The following IL6ST variants were observed in gnomAD, a reference collection of about 807,000 sequenced individuals.
IL6ST encodes interleukin 6 cytokine family signal transducer.
In IL6ST, 24 loss-of-function variants were observed where a neutral mutation model predicts 91.3. The ratio of observed to expected loss-of-function variants is 0.26; its 90% CI spans 0.19 to 0.37. The LOEUF is 0.37. Ranked by LOEUF, IL6ST falls within the 10% of genes least tolerant of loss-of-function variation. IL6ST has a pLI of 1.00. For missense variants in IL6ST, 914 were observed against 1,078.5 expected (o/e 0.85, Z 2.14); for synonymous variants, 351 against 373.6 (o/e 0.94, Z 0.70).
chr5:55,978,078 C>T (rs1006335174), intron 2 of IL6ST, among the ~76,000 whole-genome samples: 7 of 152,076 alleles, frequency 4.6e-5, no homozygotes, highest in African/African-American at 1.7e-4. Flanking sequence ...TTTTACCTTA[C>T]TTTCAAGCTA....
At chr5:55,984,104 TTTAAG>T (rs2111908096) in intron 1 of IL6ST, among the ~76,000 whole-genome samples, 1 of 152,312 alleles carries the variant, frequency 6.6e-6, no homozygotes, top group Admixed American at 6.5e-5. Context: ...TTTCGTGGGC[TTTAAG>T]TTCTCTCTTG....
intron 4 of IL6ST, 34 bp from the exon 5 acceptor site, chr5:55,968,430 T>C: frequency 6.3e-7 from 1 of 1,594,952 alleles, no homozygotes; most frequent in Non-Finnish European, 8.6e-7. Flanking sequence ...TTCAGAAAGC[T>C]TTATATCCAC....
chr5:55,946,411 C>T (rs922709239), intron 15 of IL6ST, among the ~76,000 whole-genome samples: 3 of 152,192 alleles, frequency 2.0e-5, no homozygotes, highest in African/African-American at 7.2e-5. Flanking sequence ...TGTGAATATT[C>T]ATAGCAACAT....
At chr5:55,947,660 CATAAT>C (rs1751359303) in intron 14 of IL6ST, 71 bp from the exon 15 acceptor site, 2 of 795,196 alleles carry the variant, frequency 2.5e-6, no homozygotes, top group South Asian at 3.4e-5. Flanking sequence ...ACTAAGAAGA[CATAAT>C]ACAACTTCCC....
rs778926748 is a variant in IL6ST, at chr5:55,941,160, C to T, written c.2679G>A (p.Met893Ile). Reference protein sequence around the residue: ...GQVERFETVGMEAATDEGMPK... With the variant: ...GQVERFETVGIEAATDEGMPK... ...GCATGCCTTCATCAGTCGCAGCCTC[C>T]ATGCCAACTGTTTCAAATCTTTCTA... Residue 893 changes from methionine (M) to isoleucine (I), a missense_variant, in exon 17 of 17, where the codon ATG (methionine) becomes ATA (isoleucine). Transcript: ENST00000381298. 6.2e-7 allele frequency: 1 copy of T among 1,614,084 alleles called. No homozygotes were observed. Among genetic ancestry groups the T allele is most frequent in the Admixed American group, 1.7e-5 (1 of 60,016 alleles).
At chr5:55,950,131 A>C in intron 14 of IL6ST, 1 of 462,340 alleles carries the variant, frequency 2.2e-6, no homozygotes, top group Non-Finnish European at 4.3e-6. Context: ...ATTTATTGTA[A>C]TCACATTTAA....
At chr5:55,976,178 T>C in intron 3 of IL6ST, 37 bp downstream of exon 3, 1 of 1,040,980 alleles carries the variant, frequency 9.6e-7, no homozygotes, top group South Asian at 1.8e-5. Context: ...AAACCTAATT[T>C]GTGAAGTTAG....
intron 3 of IL6ST, among the ~76,000 whole-genome samples, chr5:55,970,893 CAG>C (rs1348209385): frequency 2.0e-5 from 3 of 152,010 alleles, no homozygotes; most frequent in East Asian, 1.9e-4. Flanking sequence ...CAGAGTGAGA[CAG>C]AGTCTCAAAA....
Position 55,937,972 on chromosome 5 carries a change from T to C in IL6ST, c.*3110A>G, listed in dbSNP as rs1044020562. On this transcript the variant is annotated 3_prime_UTR_variant, in exon 17 of 17. Coordinates refer to ENST00000381298, the MANE Select transcript of IL6ST (RefSeq NM_002184.4). ...AGAAATATTTTAGGGAATTCTATGA[T>C]TATTCTACTTCTACATTTACATGTC... 8 of 194,290 alleles carry C rather than the reference T, an allele frequency of 4.1e-5. No individual in the cohort carries two copies. The highest frequency in any genetic ancestry group is 8.6e-5 in the Non-Finnish European group (8 of 93,324). The allele number at this position is 194,290 out of a possible 1,614,324, so 12.0% of individuals were successfully genotyped here.
intron 13 of IL6ST, 123 bp from the exon 14 acceptor site, chr5:55,951,727 T>C: frequency 1.0e-6 from 1 of 953,048 alleles, no homozygotes; most frequent in Non-Finnish European, 1.6e-6. Flanking sequence ...ACAACTTTTA[T>C]AATGTTCTGA....
rs761553996 is a variant in IL6ST at position 55,951,494 on chromosome 5, G to C, written c.1810C>G (p.Pro604Ala). The change falls in exon 14 of 17, where the codon CCA (proline) becomes GCA (alanine). Residue 604 changes from proline (P) to alanine (A), a missense_variant. Pro to Ala is a conservative substitution (Grantham distance 27, BLOSUM62 -1). Coordinates refer to ENST00000381298, the MANE Select transcript of IL6ST (RefSeq NM_002184.4). ...TTTGGGGTAGTAAAAGTGAATTCTGGACCATCCTTCCCACCTTCATCTGTG... is the reference window on the plus strand; with the variant it reads ...TTTGGGGTAGTAAAAGTGAATTCTGCACCATCCTTCCCACCTTCATCTGTG... ...AYTDEGGKDG[P>A]EFTFTTPKFA... 1 of 1,613,088 alleles carries C rather than the reference G, an allele frequency of 6.2e-7. No individual in the cohort carries two copies. Among genetic ancestry groups the C allele is most frequent in the South Asian group, 1.1e-5 (1 of 90,804 alleles).
intron 15 of IL6ST, among the ~76,000 whole-genome samples, chr5:55,945,970 A>C (rs980464519): frequency 6.6e-6 from 1 of 152,144 alleles, no homozygotes; most frequent in Non-Finnish European, 1.5e-5. Context: ...AAGACAAAAA[A>C]ACAAAGCACA....
Position 55,994,895 on chromosome 5 carries a change from C to G in IL6ST, c.-215G>C, listed in dbSNP as rs988368094. ...GGCGCGGCCCCCGGTTCAGCTGCGCCGGGGCGGCCCAGCGCGACTCCGCGG... is the reference window on the plus strand; with the variant it reads ...GGCGCGGCCCCCGGTTCAGCTGCGCGGGGGCGGCCCAGCGCGACTCCGCGG... On this transcript the variant is annotated 5_prime_UTR_variant, in exon 1 of 17. Coordinates refer to ENST00000381298, the MANE Select transcript of IL6ST (RefSeq NM_002184.4). 1 of 152,310 alleles carries G rather than the reference C, an allele frequency of 6.6e-6. No individual in the cohort carries two copies. The highest frequency in any genetic ancestry group is 1.5e-5 in the Non-Finnish European group (1 of 68,140). 9.4% of individuals were successfully genotyped at this position (152,310 alleles called of 1,614,324 possible).
chr5:55,989,121 C>T (rs10075152), intron 1 of IL6ST, among the ~76,000 whole-genome samples: 32,090 of 133,042 alleles, frequency 0.24, 4,051 homozygotes, highest in Non-Finnish European at 0.28. Flanking sequence ...GGTAACAGTG[C>T]GAGGCTCTGT....
intron 11 of IL6ST, 49 bp downstream of exon 11, chr5:55,954,761 A>T (rs772769709): frequency 1.4e-6 from 2 of 1,422,264 alleles, no homozygotes; most frequent in Non-Finnish European, 1.9e-6. Flanking sequence ...AAAGCTGCCT[A>T]AAGAGTTAGA....
At chr5:55,957,903 G>A (rs990229581) in intron 8 of IL6ST, among the ~76,000 whole-genome samples, 3 of 151,956 alleles carry the variant, frequency 2.0e-5, no homozygotes, top group Middle Eastern at 3.2e-3. Flanking sequence ...ACTACTTATC[G>A]CTGAAAATCA....
In IL6ST at chr5:55,969,170, G is replaced by A. The variant is rs540245680; in HGVS notation, c.370+380C>T. On this transcript the variant is annotated intron_variant, in intron 4 of 16. Coordinates refer to ENST00000381298, the MANE Select transcript of IL6ST (RefSeq NM_002184.4). ...CCACTGCACTCCAGCCTGGGTGACA[G>A]AGCGAGACTCTGTCACCAAAAAAAA... 4.7e-4 allele frequency among the ~76,000 whole-genome samples: 70 copies of A among 147,392 alleles called. No homozygotes were observed. In the Middle Eastern group the frequency reaches 0.021, roughly 44 times the overall value.
At chr5:55,986,260 C>T (rs768874894) in intron 1 of IL6ST, among the ~76,000 whole-genome samples, 2 of 152,126 alleles carry the variant, frequency 1.3e-5, no homozygotes, top group Non-Finnish European at 1.5e-5. Flanking sequence ...GCAGTTTTTA[C>T]CCTGTTGTGT....
chr5:55,968,210 T>C, intron 5 of IL6ST, 66 bp downstream of exon 5: 2 of 1,327,868 alleles, frequency 1.5e-6, no homozygotes, highest in Non-Finnish European at 2.1e-6. Context: ...CTTGGTAAAA[T>C]AAAAATTCCA....
Sources: gnomAD v4.1 joint callset for allele counts (sites outside exome capture counted in the v4.1 genomes callset) on GRCh38, gnomAD v4.1.1 for gene constraint, MANE v1.5 for transcripts, NCBI Gene and HGNC (gene_info 2026-07-23, HGNC 2026-07-21) for gene names.